Variants in LDLRAD4 observed in about 807,000 individuals in gnomAD.
LDLRAD4 encodes low-density lipoprotein receptor class A domain-containing protein 4.
In LDLRAD4, 5 loss-of-function variants were observed where a neutral mutation model predicts 17.0. That is an observed-to-expected ratio of 0.29 (90% CI 0.15 to 0.62). The LOEUF (loss-of-function observed/expected upper bound fraction) is 0.62, where lower values mean the gene tolerates loss of function less well. LDLRAD4 is among the 20% of genes least tolerant of loss of function. The pLI is 0.84. For missense variants in LDLRAD4, 340 were observed against 424.7 expected (o/e 0.80, Z 1.75); for synonymous variants, 168 against 171.8 (o/e 0.98, Z 0.17).
intron 3 of LDLRAD4, among the ~76,000 whole-genome samples, chr18:13,552,177 A>ACAGTGG (rs2094441101): frequency 6.6e-6 from 1 of 152,188 alleles, no homozygotes; most frequent in African/African-American, 2.4e-5. Context: ...AATGTGAGGC[A>ACAGTGG]CAGTGGGGTG....
chr18:13,320,193 C>T (rs1327122990), intron 1 of LDLRAD4, among the ~76,000 whole-genome samples: 1 of 152,278 alleles, frequency 6.6e-6, no homozygotes, highest in Admixed American at 6.5e-5. Flanking sequence ...GAGAATGCTG[C>T]GCCTCTGAGG....
upstream of LDLRAD4, among the ~76,000 whole-genome samples, chr18:13,218,374 C>T (rs1311332278): frequency 3.9e-5 from 6 of 152,334 alleles, no homozygotes; most frequent in African/African-American, 1.4e-4. Context: ...CGCCGACCCC[C>T]ACCCCGTTTT....
At chr18:13,593,739 G>A (rs2095057868) in intron 3 of LDLRAD4, among the ~76,000 whole-genome samples, 1 of 152,078 alleles carries the variant, frequency 6.6e-6, no homozygotes, top group Non-Finnish European at 1.5e-5. Flanking sequence ...ACATATAAGC[G>A]TCCTTTATAA....
chr18:13,343,818 T>C (rs2082520074), intron 1 of LDLRAD4, among the ~76,000 whole-genome samples: 1 of 152,252 alleles, frequency 6.6e-6, no homozygotes, highest in Non-Finnish European at 1.5e-5. Context: ...TTGATTTGCA[T>C]TTCTCTGATG....
At chr18:13,414,675 G>A (rs996086642) in intron 2 of LDLRAD4, among the ~76,000 whole-genome samples, 1 of 152,366 alleles carries the variant, frequency 6.6e-6, no homozygotes, top group South Asian at 2.1e-4. Flanking sequence ...GATGGTGAGG[G>A]AGGAGGCTGG....
chr18:13,297,620 C>A (rs1022410680), intron 1 of LDLRAD4, among the ~76,000 whole-genome samples: 5 of 152,278 alleles, frequency 3.3e-5, no homozygotes, highest in African/African-American at 1.2e-4. Flanking sequence ...CATAATGAGA[C>A]CCTGTCTCTA....
chr18:13,451,685 G>A (rs771216932), intron 3 of LDLRAD4, among the ~76,000 whole-genome samples: 1 of 152,156 alleles, frequency 6.6e-6, no homozygotes, highest in Non-Finnish European at 1.5e-5. Context: ...AGGTGCTGCC[G>A]GACTCAGTGT....
At chr18:13,484,364 C>T (rs576996572) in intron 3 of LDLRAD4, among the ~76,000 whole-genome samples, 11 of 152,280 alleles carry the variant, frequency 7.2e-5, no homozygotes, top group African/African-American at 2.4e-4. Flanking sequence ...CAGTGGCTTG[C>T]GCCTGAGGCA....
chr18:13,320,349 G>A (rs537267610), intron 1 of LDLRAD4, among the ~76,000 whole-genome samples: 4 of 152,236 alleles, frequency 2.6e-5, no homozygotes, highest in African/African-American at 4.8e-5. Context: ...TTACGTTTCC[G>A]CTGCCTCTCA....
At chr18:13,451,215 G>T (rs1459763147) in intron 3 of LDLRAD4, among the ~76,000 whole-genome samples, 1 of 152,184 alleles carries the variant, frequency 6.6e-6, no homozygotes, top group Non-Finnish European at 1.5e-5. Context: ...ACTGTGATAT[G>T]GTTTGGCTAT....
intron 3 of LDLRAD4, chr18:13,472,726 G>A (rs889251287): frequency 2.6e-5 from 4 of 152,218 alleles, no homozygotes; most frequent in African/African-American, 7.2e-5. Flanking sequence ...ACATCACAGA[G>A]GTCCCTGGTT....
chr18:13,465,886 A>T (rs2092599667), intron 3 of LDLRAD4, among the ~76,000 whole-genome samples: 1 of 151,230 alleles, frequency 6.6e-6, no homozygotes, highest in Non-Finnish European at 1.5e-5. Context: ...GCCTCTTCAT[A>T]CTCTCTCCCC....
chr18:13,222,937 C>T (rs1464066791), intron 1 of LDLRAD4, among the ~76,000 whole-genome samples: 1 of 152,212 alleles, frequency 6.6e-6, no homozygotes, highest in African/African-American at 2.4e-5. Context: ...TCTGCAGGTG[C>T]AGACACTGAG....
intron 1 of LDLRAD4, among the ~76,000 whole-genome samples, chr18:13,351,952 G>T (rs972026757): frequency 3.9e-5 from 6 of 152,130 alleles, no homozygotes; most frequent in African/African-American, 1.4e-4. Context: ...TGCAAGGGTG[G>T]TTCAACATAT....
At chr18:13,527,963 C>T (rs1447272602) in intron 3 of LDLRAD4, among the ~76,000 whole-genome samples, 1 of 152,190 alleles carries the variant, frequency 6.6e-6, no homozygotes, top group African/African-American at 2.4e-5. Context: ...GGCCAGCTGC[C>T]TCCATTTCTC....
At chr18:13,464,232 T>G in intron 3 of LDLRAD4, among the ~76,000 whole-genome samples, 1 of 152,230 alleles carries the variant, frequency 6.6e-6, no homozygotes, top group African/African-American at 2.4e-5. Flanking sequence ...CATCTATCTG[T>G]TTGGCCACAT....
At chr18:13,245,188 G>C (rs1274073078) in intron 1 of LDLRAD4, among the ~76,000 whole-genome samples, 1 of 152,180 alleles carries the variant, frequency 6.6e-6, no homozygotes, top group Non-Finnish European at 1.5e-5. Flanking sequence ...GTCATCCTGA[G>C]TCTGCAGGAC....
chr18:13,311,428 G>A (rs138607939), intron 1 of LDLRAD4, among the ~76,000 whole-genome samples: 8 of 152,300 alleles, frequency 5.3e-5, no homozygotes, highest in Non-Finnish European at 1.0e-4. Context: ...CTTGGCTTCT[G>A]CCACACTCCC....
intron 2 of LDLRAD4, among the ~76,000 whole-genome samples, chr18:13,431,877 C>T (rs1186233713): frequency 6.6e-6 from 1 of 152,178 alleles, no homozygotes; most frequent in Non-Finnish European, 1.5e-5. Context: ...AGAATATAAA[C>T]CTTCAAAGTA....
Sources: gnomAD v4.1 joint callset for allele counts (sites outside exome capture counted in the v4.1 genomes callset) on GRCh38, gnomAD v4.1.1 for gene constraint, MANE v1.5 for transcripts, NCBI Gene and HGNC (gene_info 2026-07-23, HGNC 2026-07-21) for gene names.